SPTLC1: variants seen among roughly 807,000 people sequenced by gnomAD.
The protein encoded by SPTLC1 is serine palmitoyltransferase 1.
Under a neutral mutation model 68.9 loss-of-function variants are expected in SPTLC1, and 55 were observed. The observed-to-expected ratio is 0.80, with a 90% CI of 0.64 to 1.00. The LOEUF is 1.00. Among genes scored for constraint, SPTLC1 ranks in the 50% least tolerant of loss-of-function variants. The probability of loss-of-function intolerance (pLI) is 0.00; values close to 1 mark genes in which losing one functional copy is unlikely to be tolerated. For synonymous variants in SPTLC1, 197 were observed against 201.6 expected (o/e 0.98, Z 0.19); for missense variants, 449 against 573.1 (o/e 0.78, Z 2.21).
intron 6 of SPTLC1, among the ~76,000 whole-genome samples, chr9:92,060,811 G>A (rs1037708696): frequency 4.6e-5 from 7 of 151,480 alleles, no homozygotes; most frequent in African/African-American, 7.3e-5. Context: ...TACTCGGGAG[G>A]CTGAGGCAGG....
intron 4 of SPTLC1, among the ~76,000 whole-genome samples, 159 bp downstream of exon 4, chr9:92,080,711 G>A (rs565076215): frequency 6.6e-6 from 1 of 152,208 alleles, no homozygotes; most frequent in Non-Finnish European, 1.5e-5. Flanking sequence ...GCTAATTTTT[G>A]TATTTTTTGG....
intron 8 of SPTLC1, among the ~76,000 whole-genome samples, chr9:92,052,054 C>CA (rs1168068572): frequency 6.6e-6 from 1 of 152,140 alleles, no homozygotes; most frequent in Non-Finnish European, 1.5e-5. Context: ...CAATCCCCAC[C>CA]AAAATCCCAA....
intron 8 of SPTLC1, chr9:92,050,810 G>GCTTTTTTTT (rs1564088122): frequency 1.4e-5 from 1 of 72,268 alleles, no homozygotes; most frequent in Non-Finnish European, 2.2e-5. Context: ...GCACAATACT[G>GCTTTTTTTT]ATTTTTTTTT....
Position 92,045,987 on chromosome 9 carries a change from T to C in SPTLC1, c.1136+12A>G, listed in dbSNP as rs76562923. The stretch of plus-strand genomic sequence containing the variant: ...ATAAACTTTATGTTGGTTGAAAATA[T>C]ATAAAACTCACCCTTGTAAAGCTTT... On this transcript the variant is annotated intron_variant, in intron 12 of 14. Coordinates refer to ENST00000262554, the MANE Select transcript of SPTLC1 (RefSeq NM_006415.4). 12,347 of 1,609,938 alleles carry C rather than the reference T, an allele frequency of 7.7e-3. 795 individuals carry two copies. In the African/African-American group the frequency reaches 0.14, roughly 18 times the overall value.
intron 13 of SPTLC1, among the ~76,000 whole-genome samples, chr9:92,037,052 G>A (rs963562131): frequency 6.6e-6 from 1 of 152,210 alleles, no homozygotes; most frequent in African/African-American, 2.4e-5. Flanking sequence ...GACTCTAGAA[G>A]ACCACAAATT....
chr9:92,056,423 T>C (rs1014420921), intron 7 of SPTLC1, among the ~76,000 whole-genome samples: 2 of 152,146 alleles, frequency 1.3e-5, no homozygotes, highest in Admixed American at 1.3e-4. Flanking sequence ...GAGATGGGGT[T>C]TCACCATGTT....
chr9:92,092,246 CAT>C (rs1290468112), intron 3 of SPTLC1, among the ~76,000 whole-genome samples: 1 of 152,098 alleles, frequency 6.6e-6, no homozygotes, highest in South Asian at 2.1e-4. Flanking sequence ...TAAAGTAAGA[CAT>C]AAAGCAAGTG....
At chr9:92,064,217 C>T (rs1834203879) in intron 6 of SPTLC1, among the ~76,000 whole-genome samples, 1 of 152,056 alleles carries the variant, frequency 6.6e-6, no homozygotes, top group African/African-American at 2.4e-5. Context: ...AATACGTGGA[C>T]ATCAAAATTT....
At chr9:92,104,193 G>A (rs766494419) in intron 3 of SPTLC1, among the ~76,000 whole-genome samples, 2 of 152,096 alleles carry the variant, frequency 1.3e-5, no homozygotes, top group African/African-American at 2.4e-5. Context: ...TGCACAACTC[G>A]CTCAAAATGG....
At chr9:92,102,861 A>G (rs1348757889) in intron 3 of SPTLC1, among the ~76,000 whole-genome samples, 1 of 152,216 alleles carries the variant, frequency 6.6e-6, no homozygotes, top group Non-Finnish European at 1.5e-5. Flanking sequence ...CAAGATGTAG[A>G]GTGGCCAAAT....
In SPTLC1 at chr9:92,038,367, T is replaced by G; in HGVS notation, c.1137-2A>C. The G allele has an allele frequency of 6.3e-7, 1 of 1,588,252 alleles. No homozygotes were observed. The highest frequency in any genetic ancestry group is 8.6e-7 in the Non-Finnish European group (1 of 1,157,594). On this transcript the variant is annotated splice_acceptor_variant, in intron 12 of 14. Coordinates refer to ENST00000262554, the MANE Select transcript of SPTLC1 (RefSeq NM_006415.4). LOFTEE classifies it high-confidence loss of function. ...CCCACCACTTTTAATCCAGAAATGC[T>G]GAAGAAGGGAAACACACACACAGCT...
At chr9:92,072,874 T>C (rs1045204749) in intron 5 of SPTLC1, among the ~76,000 whole-genome samples, 2 of 151,944 alleles carry the variant, frequency 1.3e-5, no homozygotes, top group Non-Finnish European at 2.9e-5. Context: ...AAATTTTCCT[T>C]ATCTCCCTTC....
At chr9:92,094,974 T>A (rs574698092) in intron 3 of SPTLC1, among the ~76,000 whole-genome samples, 18 of 152,278 alleles carry the variant, frequency 1.2e-4, no homozygotes, top group South Asian at 1.0e-3. Context: ...TTAAGATTCA[T>A]CCCCACTTCA....
intron 13 of SPTLC1, among the ~76,000 whole-genome samples, chr9:92,037,772 C>T (rs907600622): frequency 6.6e-6 from 1 of 152,128 alleles, no homozygotes; most frequent in Non-Finnish European, 1.5e-5. Context: ...TCTTCCTTTC[C>T]GTTTACAAGA....
intron 8 of SPTLC1, among the ~76,000 whole-genome samples, chr9:92,052,486 T>C (rs74881705): frequency 0.052 from 7,882 of 152,052 alleles, 262 homozygotes; most frequent in Middle Eastern, 0.065. Context: ...GGGGGAAACA[T>C]AGCAATAAAT....
intron 12 of SPTLC1, among the ~76,000 whole-genome samples, chr9:92,042,068 C>A (rs1833369052): frequency 6.6e-6 from 1 of 152,070 alleles, no homozygotes; most frequent in African/African-American, 2.4e-5. Flanking sequence ...CCACTGCACT[C>A]CAGCCTGGGC....
Position 92,102,573 on chromosome 9 carries a change from G to T in SPTLC1, c.260+6167C>A, listed in dbSNP as rs537259949. Among the ~76,000 whole-genome samples the T allele has an allele frequency of 3.3e-4, 50 of 152,266 alleles. No individual in the cohort carries two copies. The South Asian group carries it at 9.9e-3, about 30-fold the overall frequency. On this transcript the variant is annotated intron_variant, in intron 3 of 14. Coordinates refer to ENST00000262554, the MANE Select transcript of SPTLC1 (RefSeq NM_006415.4). The stretch of plus-strand genomic sequence containing the variant: ...GGGGTAGTATAGCAGGTTCGTGTGT[G>T]ATCAAAATTTTTATCAGCTTTAAAT...
At chr9:92,069,468 C>T (rs1834407811) in intron 5 of SPTLC1, among the ~76,000 whole-genome samples, 1 of 152,172 alleles carries the variant, frequency 6.6e-6, no homozygotes, top group Non-Finnish European at 1.5e-5. Flanking sequence ...TTTAGAAGAA[C>T]GTATCCCAGG....
At chr9:92,058,965 C>T (rs1454220965) in intron 7 of SPTLC1, among the ~76,000 whole-genome samples, 1 of 152,122 alleles carries the variant, frequency 6.6e-6, no homozygotes, top group African/African-American at 2.4e-5. Flanking sequence ...CTTGGATTAC[C>T]TCCCTCCAAT....
Sources: allele counts gnomAD v4.1 joint callset (sites outside exome capture counted in the v4.1 genomes callset), GRCh38; gene constraint gnomAD v4.1.1; transcripts MANE v1.5; gene names NCBI Gene and HGNC (gene_info 2026-07-23, HGNC 2026-07-21).